Variants in GALNT14 observed in about 807,000 individuals in gnomAD.
GALNT14 encodes polypeptide N-acetylgalactosaminyltransferase 14.
A neutral mutation model predicts 77.5 loss-of-function variants in GALNT14; 60 were observed. The ratio of observed to expected loss-of-function variants is 0.77; its 90% CI spans 0.63 to 0.96. The LOEUF (loss-of-function observed/expected upper bound fraction) is 0.96. Among genes scored for constraint, GALNT14 ranks in the 40% least tolerant of loss-of-function variants. GALNT14 has a pLI of 0.00. For missense variants in GALNT14, 710 were observed against 731.0 expected (o/e 0.97, Z 0.33); for synonymous variants, 280 against 281.7 (o/e 0.99, Z 0.06).
intron 1 of GALNT14, among the ~76,000 whole-genome samples, chr2:31,133,981 G>C (rs1197356812): frequency 6.6e-6 from 1 of 152,174 alleles, no homozygotes; most frequent in Non-Finnish European, 1.5e-5. Flanking sequence ...ATTTCCTTAA[G>C]CCAGGAGTGT....
At chr2:31,076,848 GCC>G (rs1675829650) in intron 1 of GALNT14, among the ~76,000 whole-genome samples, 1 of 152,050 alleles carries the variant, frequency 6.6e-6, no homozygotes, top group Non-Finnish European at 1.5e-5. Flanking sequence ...ACTCATACTA[GCC>G]AAGATGAACC....
intron 1 of GALNT14, among the ~76,000 whole-genome samples, chr2:31,068,618 C>T (rs1019263917): frequency 6.6e-6 from 1 of 152,104 alleles, no homozygotes; most frequent in African/African-American, 2.4e-5. Context: ...AGAAGCCACA[C>T]TAGAGACAGT....
the GALNT14 span, among the ~76,000 whole-genome samples, chr2:30,900,131 C>A: frequency 3.9e-5 from 6 of 152,258 alleles, no homozygotes; most frequent in East Asian, 9.7e-4. Context: ...TCTTTGAAGG[C>A]CAGCCAGGAC....
intron 1 of GALNT14, among the ~76,000 whole-genome samples, chr2:31,026,984 C>T (rs1051219433): frequency 6.6e-6 from 1 of 152,200 alleles, no homozygotes; most frequent in Non-Finnish European, 1.5e-5. Flanking sequence ...TCCTTTTTTA[C>T]CTGTAATGCT....
chr2:30,904,769 A>G, the GALNT14 span, among the ~76,000 whole-genome samples: 3 of 152,254 alleles, frequency 2.0e-5, no homozygotes, highest in Admixed American at 6.5e-5. Context: ...GGCACAGACA[A>G]ACAAAAAGAC....
chr2:30,976,640 T>C (rs995947535), intron 2 of GALNT14, among the ~76,000 whole-genome samples: 5 of 151,646 alleles, frequency 3.3e-5, no homozygotes, highest in Non-Finnish European at 5.9e-5. Context: ...TGTGTGTGTG[T>C]GCAAAAAAGA....
chr2:30,958,396 C>T lies in GALNT14; in HGVS notation c.466+1G>A, dbSNP rs761904865. ...AAGAGCAAGTGAGCAACATGACTTA[C>T]GGTCATTGCTGAAGTCATCCACTAA... is the stretch of plus-strand genomic sequence containing the variant. On this transcript the variant is annotated splice_donor_variant, in intron 4 of 14. Transcript: ENST00000349752. LOFTEE classifies it high-confidence loss of function. The T allele has an allele frequency of 8.1e-6, 13 of 1,612,380 alleles. No individual in the cohort carries two copies. The highest frequency in any genetic ancestry group is 3.3e-5 in the Admixed American group (2 of 59,984).
downstream of GALNT14, among the ~76,000 whole-genome samples, chr2:30,905,968 A>G (rs1161283631): frequency 3.3e-5 from 5 of 151,778 alleles, no homozygotes; most frequent in South Asian, 4.2e-4. Context: ...ACTAAGCTTC[A>G]TAAGCGAAGG....
intron 1 of GALNT14, among the ~76,000 whole-genome samples, chr2:31,084,357 T>TA (rs1676306938): frequency 6.6e-6 from 1 of 152,132 alleles, no homozygotes. Context: ...TCAGGACAGG[T>TA]ACTGGGAACA....
At chr2:30,918,161 T>G (rs1299494249) in intron 13 of GALNT14, among the ~76,000 whole-genome samples, 1 of 152,210 alleles carries the variant, frequency 6.6e-6, no homozygotes, top group East Asian at 1.9e-4. Flanking sequence ...GGTCTTTTCT[T>G]TATTTCCAGC....
intron 8 of GALNT14, 74 bp downstream of exon 8, chr2:30,944,784 T>C (rs889979810): frequency 3.2e-5 from 37 of 1,159,176 alleles, no homozygotes; most frequent in Middle Eastern, 2.1e-4. Context: ...CATCTGATAT[T>C]GAGCACCTCC....
Position 30,924,835 on chromosome 2 carries a change from G to A in GALNT14, c.1152-12C>T, listed in dbSNP as rs182390912. The stretch of plus-strand genomic sequence containing the variant: ...ATCTGCTCTCAACACTGGGGGCAAC[G>A]GGGTTGTGGACAGACACAAAGACAA... On this transcript the variant is annotated splice_polypyrimidine_tract_variant and intron_variant, in intron 11 of 14. Transcript: ENST00000349752. 5.5e-5 allele frequency: 89 copies of A among 1,611,438 alleles called. No homozygotes were observed. In the East Asian group the frequency reaches 9.6e-4, roughly 17 times the overall value.
chr2:30,959,801 G>A (rs1667576883), intron 3 of GALNT14, among the ~76,000 whole-genome samples: 1 of 152,164 alleles, frequency 6.6e-6, no homozygotes, highest in Non-Finnish European at 1.5e-5. Context: ...AGGTCTGACT[G>A]AGATGACTGG....
chr2:30,985,604 C>T (rs1013081731), intron 2 of GALNT14, among the ~76,000 whole-genome samples: 4 of 152,216 alleles, frequency 2.6e-5, no homozygotes, highest in Non-Finnish European at 5.9e-5. Context: ...TCCAGGATGT[C>T]CTGCAACTCT....
At chr2:30,925,503 A>G (rs1290153152) in intron 11 of GALNT14, among the ~76,000 whole-genome samples, 1 of 152,186 alleles carries the variant, frequency 6.6e-6, no homozygotes, top group Non-Finnish European at 1.5e-5. Flanking sequence ...TGGTATCTGG[A>G]AGGAAAAGGG....
chr2:30,927,414 A>G (rs1372717439), intron 11 of GALNT14, among the ~76,000 whole-genome samples: 1 of 152,220 alleles, frequency 6.6e-6, no homozygotes, highest in Admixed American at 6.5e-5. Context: ...TCATTTTAAC[A>G]AGATCCCCAG....
chr2:30,957,661 G>A (rs1004303681), intron 4 of GALNT14, among the ~76,000 whole-genome samples: 1 of 152,200 alleles, frequency 6.6e-6, no homozygotes, highest in Non-Finnish European at 1.5e-5. Context: ...ACCGCAGTGT[G>A]GGGGTGGCTC....
chr2:30,995,760 A>C (rs1333121977), intron 1 of GALNT14, among the ~76,000 whole-genome samples: 1 of 152,202 alleles, frequency 6.6e-6, no homozygotes, highest in African/African-American at 2.4e-5. Context: ...TCGGCCTCCC[A>C]AAGTGCTGGG....
intron 1 of GALNT14, among the ~76,000 whole-genome samples, chr2:30,999,017 T>A (rs1158230471): frequency 6.6e-6 from 1 of 152,204 alleles, no homozygotes; most frequent in Admixed American, 6.5e-5. Context: ...AGTGAGCTTA[T>A]TCCTAACAGC....
Sources: gnomAD v4.1 joint callset for allele counts (sites outside exome capture counted in the v4.1 genomes callset) on GRCh38, gnomAD v4.1.1 for gene constraint, MANE v1.5 for transcripts, NCBI Gene and HGNC (gene_info 2026-07-23, HGNC 2026-07-21) for gene names.